The following EML6 variants were observed in gnomAD, a reference collection of about 807,000 sequenced individuals.
EML6 encodes EMAP like 6, also known as echinoderm microtubule-associated protein-like 6.
EML6 carries 154 observed loss-of-function variants against 240.1 expected under a neutral mutation model. The ratio of observed to expected loss-of-function variants is 0.64; its 90% CI spans 0.56 to 0.73. The LOEUF (loss-of-function observed/expected upper bound fraction) is 0.73, where lower values mean the gene tolerates loss of function less well. Ranked by LOEUF, EML6 falls within the 30% of genes least tolerant of loss-of-function variation. The probability of loss-of-function intolerance (pLI) is 0.00; values close to 1 mark genes in which losing one functional copy is unlikely to be tolerated. For missense variants in EML6, 2,964 were observed against 2,474.6 expected, an observed-to-expected ratio of 1.20 and a Z score of -4.20; for synonymous variants, 1,148 against 899.0, an observed-to-expected ratio of 1.28 and a Z score of -4.95.
In EML6 at chr2:54,789,500, C is replaced by T. The variant is rs1259866738; in HGVS notation, c.198-23732C>T. Among the ~76,000 whole-genome samples, 5 of 103,008 alleles carry T rather than the reference C, an allele frequency of 4.9e-5. No individual in the cohort carries two copies. In the East Asian group the frequency reaches 9.1e-4, roughly 19 times the overall value. 67.6% of individuals were successfully genotyped at this position (103,008 alleles called of 152,430 possible). On this transcript the variant is annotated intron_variant, in intron 2 of 41. Transcript: ENST00000356458. ...CTGCACTCCCGCCTGGGCCACAGAG[C>T]GAGACTTCGTCTCAAAAAAAAAAAA...
intron 17 of EML6, among the ~76,000 whole-genome samples, chr2:54,889,017 A>C (rs1253054320): frequency 2.0e-5 from 3 of 152,260 alleles, no homozygotes; most frequent in African/African-American, 7.2e-5. Context: ...CAGACTAGCC[A>C]GCATTTGGCA....
chr2:54,958,898 A>G (rs1026436630), intron 33 of EML6, among the ~76,000 whole-genome samples: 2 of 151,938 alleles, frequency 1.3e-5, no homozygotes, highest in African/African-American at 4.8e-5. Flanking sequence ...CCAGTTAAAT[A>G]TAGTGAATTT....
chr2:54,954,360 G>A (rs1403799760), intron 32 of EML6, among the ~76,000 whole-genome samples: 1 of 152,198 alleles, frequency 6.6e-6, no homozygotes, highest in East Asian at 1.9e-4. Context: ...GCCAGGAGGA[G>A]GCTGGCCAGG....
At chr2:54,910,362 C>T (rs768977624) in intron 24 of EML6, among the ~76,000 whole-genome samples, 3 of 152,204 alleles carry the variant, frequency 2.0e-5, no homozygotes, top group Non-Finnish European at 4.4e-5. Flanking sequence ...AATTGTACAT[C>T]AGACTGAAAG....
rs375896181 is a variant in EML6, at chr2:54,725,680, TA to T, written c.197+428del. On this transcript the variant is annotated intron_variant, in intron 2 of 41. Transcript: ENST00000356458. This position sits in a 1 kb window ranked among gnomAD's most constrained non-coding sequence, Gnocchi z 4.3. ...TGGGTTTCTCAGTAAGCAAGAGGAT[TA>T]AAAAAGATCTAAAAGAAATTTTACT... 1.1e-3 allele frequency among the ~76,000 whole-genome samples: 163 copies of T among 152,292 alleles called. 2 individuals are homozygous for T. The South Asian group carries it at 0.031, about 29-fold the overall frequency.
At position 54,968,736 on chromosome 2, in the gene EML6, G is replaced by A; in HGVS notation, c.5820G>A (p.Lys1940=). 6.5e-7 allele frequency: 1 copy of A among 1,549,830 alleles called. No homozygotes were observed. Among genetic ancestry groups the A allele is most frequent in the Non-Finnish European group, 8.7e-7 (1 of 1,145,176 alleles). Residue 1940 remains lysine, a synonymous_variant, in exon 41 of 42, where the codon AAG becomes AAA. Coordinates refer to ENST00000356458, the MANE Select transcript of EML6 (RefSeq NM_001039753.4). ...VTNIRFSYDD[K]YVVSTGGDDC... ...ACATCCGTTTCTCTTATGATGACAA[G>A]TATGTGGTCAGCACTGGAGGAGACG...
At position 54,850,038 on chromosome 2, in the gene EML6, T is replaced by A; in HGVS notation, c.1264T>A (p.Tyr422Asn). ...HEMKFSPDGS[Y>N]LAVGSNDGPV... is the part of the protein sequence containing the mutation. Reference sequence around the variant, plus strand: ...AATGAAATTTTCTCCAGATGGTTCTTACCTTGCAGTGGGATCCAATGATGG... The same window carrying A: ...AATGAAATTTTCTCCAGATGGTTCTAACCTTGCAGTGGGATCCAATGATGG... The change falls in exon 10 of 42, where the codon TAC becomes AAC. Residue 422 changes from tyrosine (Y) to asparagine (N), a missense_variant. By Grantham distance (143) the Tyr-to-Asn change is moderately radical. Transcript: ENST00000356458. 1.3e-6 allele frequency: 2 copies of A among 1,551,964 alleles called. No individual in the cohort carries two copies. The highest frequency in any genetic ancestry group is 1.7e-6 in the Non-Finnish European group (2 of 1,147,026).
At chr2:54,804,271 G>A (rs564045419) in intron 2 of EML6, among the ~76,000 whole-genome samples, 4 of 152,280 alleles carry the variant, frequency 2.6e-5, no homozygotes, top group Non-Finnish European at 4.4e-5. Context: ...AAATTAACAG[G>A]ACTTCTGCCA....
At chr2:54,937,260 A>C (rs2104429521) in intron 28 of EML6, among the ~76,000 whole-genome samples, 1 of 149,560 alleles carries the variant, frequency 6.7e-6, no homozygotes, top group Non-Finnish European at 1.5e-5. Context: ...CCTGGGCAAC[A>C]AGAGCGAAAC....
intron 2 of EML6, among the ~76,000 whole-genome samples, chr2:54,802,972 G>T (rs1187518722): frequency 2.0e-5 from 3 of 152,126 alleles, no homozygotes; most frequent in African/African-American, 7.2e-5. Flanking sequence ...TCAACGATGG[G>T]TTTCCAGTTC....
chr2:54,823,916 C>T (rs1553387786), intron 5 of EML6, among the ~76,000 whole-genome samples: 10 of 149,306 alleles, frequency 6.7e-5, no homozygotes, highest in South Asian at 2.1e-4. Flanking sequence ...GAGATCACTA[C>T]CTCCTAAATT....
chr2:54,735,936 A>G (rs1383371809), intron 2 of EML6, among the ~76,000 whole-genome samples: 1 of 152,220 alleles, frequency 6.6e-6, no homozygotes, highest in Non-Finnish European at 1.5e-5. Context: ...CCCCTGGAGA[A>G]AGTGACTTTT....
chr2:54,765,634 G>A (rs1403043375), intron 2 of EML6, among the ~76,000 whole-genome samples: 1 of 152,040 alleles, frequency 6.6e-6, no homozygotes, highest in African/African-American at 2.4e-5. Flanking sequence ...TAAGTTTTCT[G>A]TATTTTTAGT....
At chr2:54,794,559 C>T (rs535339113) in intron 2 of EML6, among the ~76,000 whole-genome samples, 9 of 152,240 alleles carry the variant, frequency 5.9e-5, no homozygotes, top group African/African-American at 1.9e-4. Flanking sequence ...TGTAAACTGG[C>T]TCGTCCTGAT....
At chr2:54,810,958 G>C (rs1281242632) in intron 2 of EML6, among the ~76,000 whole-genome samples, 2 of 152,102 alleles carry the variant, frequency 1.3e-5, no homozygotes, top group African/African-American at 4.8e-5. Flanking sequence ...CTGTAGCCAG[G>C]CTCTGTGAGT....
intron 1 of EML6, 71 bp downstream of exon 1, chr2:54,723,848 C>T (rs574327639): frequency 6.5e-6 from 1 of 152,720 alleles, no homozygotes; most frequent in African/African-American, 2.4e-5. Context: ...TGCAGGGCGC[C>T]GCCAGGGCGG....
chr2:54,943,646 A>G (rs1017650229), intron 28 of EML6, among the ~76,000 whole-genome samples: 12 of 152,150 alleles, frequency 7.9e-5, no homozygotes, highest in African/African-American at 2.9e-4. Flanking sequence ...TGTCTTACTA[A>G]GAGAACTTGT....
In EML6 at chr2:54,916,762, G is replaced by C; in HGVS notation, c.3502G>C (p.Glu1168Gln). Residue 1168 changes from glutamate to glutamine, a missense_variant, in exon 26 of 42, where the codon GAG (glutamate) becomes CAG (glutamine). Coordinates refer to ENST00000356458, the MANE Select transcript of EML6 (RefSeq NM_001039753.4). ...ATTCTCTTTCGTTCTTTTTCAGATC[G>C]AGAAGATAGAGTGGGACACATGGAC... ...KRHIIRPSEI[E>Q]KIEWDTWTCV... 1 of 1,485,138 alleles carries C rather than the reference G, an allele frequency of 6.7e-7. No homozygotes were observed. The highest frequency in any genetic ancestry group is 9.1e-7 in the Non-Finnish European group (1 of 1,103,468). 92.0% of individuals were successfully genotyped at this position (1,485,138 alleles called of 1,614,324 possible). A position where few individuals can be genotyped will look rare whatever the true frequency, so the allele number is the denominator to read the frequency against.
At chr2:54,931,248 C>T (rs1384159179) in intron 28 of EML6, among the ~76,000 whole-genome samples, 3 of 151,738 alleles carry the variant, frequency 2.0e-5, no homozygotes, top group African/African-American at 4.8e-5. Context: ...TGAGCCACCG[C>T]GCCCGGCGAC....
Sources: gnomAD v4.1 joint callset for allele counts (sites outside exome capture counted in the v4.1 genomes callset) on GRCh38, gnomAD v4.1.1 for gene constraint, Gnocchi (gnomAD v3.1) non-coding constraint, MANE v1.5 for transcripts, NCBI Gene and HGNC (gene_info 2026-07-23, HGNC 2026-07-21) for gene names.